PP2D1: variants seen among roughly 807,000 people sequenced by gnomAD.
The protein encoded by PP2D1 is protein phosphatase 2C-like domain-containing protein 1.
A neutral mutation model predicts 30.2 loss-of-function variants in PP2D1; 25 were observed. The observed-to-expected ratio is 0.83, with a 90% CI of 0.60 to 1.16. The LOEUF (loss-of-function observed/expected upper bound fraction) is 1.16. PP2D1 is among the 50% of genes most tolerant of loss of function. The probability of loss-of-function intolerance (pLI) is 0.00; values close to 1 mark genes in which losing one functional copy is unlikely to be tolerated. For synonymous variants in PP2D1, 260 were observed against 258.9 expected (o/e 1.00, Z -0.04); for missense variants, 760 against 742.4 (o/e 1.02, Z -0.28).
intron 1 of PP2D1, among the ~76,000 whole-genome samples, chr3:20,007,381 ACT>A (rs947848838): frequency 2.4e-4 from 37 of 152,102 alleles, no homozygotes; most frequent in African/African-American, 7.7e-4. Context: ...TGGAGGACTG[ACT>A]CTGTTGTGAA....
At chr3:19,997,837 G>A (rs1418622793) in intron 2 of PP2D1, among the ~76,000 whole-genome samples, 1 of 152,096 alleles carries the variant, frequency 6.6e-6, no homozygotes, top group Non-Finnish European at 1.5e-5. Flanking sequence ...AAAGCAGAAT[G>A]ATGGTTACCA....
downstream of PP2D1, chr3:19,983,977 C>T: frequency 1.7e-6 from 1 of 604,404 alleles, no homozygotes; most frequent in Admixed American, 3.3e-5. Context: ...GTGTTTTGAA[C>T]TTAATTTTTA....
rs1222987524 is a variant in PP2D1 at position 20,001,062 on chromosome 3, A to C, written c.1058T>G (p.Ile353Arg). Residue 353 changes from isoleucine to arginine, a missense_variant, in exon 2 of 3, where the codon ATA becomes AGA. By Grantham distance (97) the Ile-to-Arg change is moderately conservative. Transcript: ENST00000389050. Reference sequence around the variant, plus strand: ...TGCAACATGTAATATTCCAGAAATTATTTTTGGCATCTCCTGGGAAGGGGA... The same window carrying C: ...TGCAACATGTAATATTCCAGAAATTCTTTTTGGCATCTCCTGGGAAGGGGA... ...ESSPSQEMPK[I>R]ISGILHVANT... 1 of 1,395,802 alleles carries C rather than the reference A, an allele frequency of 7.2e-7. No homozygotes were observed. Among genetic ancestry groups the C allele is most frequent in the African/African-American group, 1.4e-5 (1 of 69,422 alleles). 86.5% of individuals were successfully genotyped at this position (1,395,802 alleles called of 1,614,324 possible).
chr3:20,001,300 C>T lies in PP2D1; in HGVS notation c.820G>A (p.Ala274Thr). ...DLFSAINKTE[A>T]VRCEYEDTHK... ...GTGTCCTCATACTCACACCTCACTG[C>T]TTCTGTTTTGTTTATGGCAGAAAAG... Residue 274 changes from alanine to threonine, a missense_variant, in exon 2 of 3, where the codon GCA (alanine) becomes ACA (threonine). Transcript: ENST00000389050. The T allele has an allele frequency of 6.5e-7, 1 of 1,535,786 alleles. No homozygotes were observed.
At position 20,001,954 on chromosome 3, in the gene PP2D1, G is replaced by A; in HGVS notation, c.166C>T (p.Gln56Ter). The A allele has an allele frequency of 1.3e-6, 2 of 1,536,244 alleles. No individual in the cohort carries two copies. Among genetic ancestry groups the A allele is most frequent in the African/African-American group, 1.4e-5 (1 of 73,140 alleles). Residue 56 changes from glutamine (Q) to a stop codon, truncating the protein, a stop_gained, in exon 2 of 3, where the codon CAG (glutamine) becomes TAG (stop). Coordinates refer to ENST00000389050, the MANE Select transcript of PP2D1 (RefSeq NM_001252657.2). LOFTEE classifies it high-confidence loss of function. ...AATGTGGTCCCTTGCTCATAGACCT[G>A]CTCCTCTTCATGGCGTTTGGTGTGT... is the stretch of plus-strand genomic sequence containing the variant. ...VRHTKRHEEE[Q>*]VYEQGTTLPC... is the part of the protein sequence containing the mutation.
chr3:19,982,591 T>C (rs1696950422), downstream of PP2D1, among the ~76,000 whole-genome samples: 1 of 152,118 alleles, frequency 6.6e-6, no homozygotes, highest in Non-Finnish European at 1.5e-5. Flanking sequence ...GGCTCATGCT[T>C]GCAGTCCCAG....
intron 1 of PP2D1, among the ~76,000 whole-genome samples, chr3:20,003,649 C>T (rs983610957): frequency 1.3e-5 from 2 of 151,736 alleles, no homozygotes; most frequent in Non-Finnish European, 2.9e-5. Flanking sequence ...GAGGCTGAGG[C>T]GGGAGAATTG....
At chr3:19,983,345 C>CAAAA (rs34872300), downstream of PP2D1, among the ~76,000 whole-genome samples, 22 of 92,050 alleles carry the variant, frequency 2.4e-4, no homozygotes, top group South Asian at 2.1e-3. Context: ...GACTACATCT[C>CAAAA]AAAAAAAAAA....
intron 2 of PP2D1, among the ~76,000 whole-genome samples, chr3:19,986,980 T>C (rs1697046869): frequency 6.7e-6 from 1 of 150,236 alleles, no homozygotes; most frequent in South Asian, 2.1e-4. Context: ...GAGGTTGTGG[T>C]GAGCTGAGAT....
At position 20,012,017 on chromosome 3, in the gene PP2D1, C is replaced by G. The variant is rs188842668; in HGVS notation, c.23+33G>C. On this transcript the variant is annotated intron_variant, in intron 1 of 2. Transcript: ENST00000389050. ...TAGATATAATTACTCATTGGCTATA[C>G]GTATTATCCAAAAAAGATTTAAGAA... 464 of 1,476,370 alleles carry G rather than the reference C, an allele frequency of 3.1e-4. 1 individual carries two copies. The highest frequency in any genetic ancestry group is 2.1e-5 in the Non-Finnish European group (23 of 1,095,742). The allele number at this position is 1,476,370 out of a possible 1,614,324, so 91.5% of individuals were successfully genotyped here.
rs1481638339 is a variant in PP2D1 at position 20,007,023 on chromosome 3, AC to A, written c.24-4928del. On this transcript the variant is annotated intron_variant, in intron 1 of 2. Transcript: ENST00000389050. ...CACACACGTATACACACACACACAC[AC>A]ACACACACGTATATATATTGTATTT... 2.5e-4 allele frequency among the ~76,000 whole-genome samples: 38 copies of A among 151,008 alleles called. 1 individual carries two copies. The South Asian group carries it at 7.2e-3, about 29-fold the overall frequency.
intron 2 of PP2D1, among the ~76,000 whole-genome samples, chr3:19,991,551 AG>A (rs1389184534): frequency 6.6e-6 from 1 of 152,224 alleles, no homozygotes; most frequent in Non-Finnish European, 1.5e-5. Flanking sequence ...CAACGTTGCC[AG>A]GGGTAATAAG....
chr3:19,999,891 G>T (rs1461605334), intron 2 of PP2D1, among the ~76,000 whole-genome samples: 3 of 152,160 alleles, frequency 2.0e-5, no homozygotes, highest in South Asian at 2.1e-4. Flanking sequence ...CCTGAGAAAC[G>T]ACAAAGACTG....
At chr3:19,982,711 A>T (rs1410374427), downstream of PP2D1, among the ~76,000 whole-genome samples, 2 of 151,716 alleles carry the variant, frequency 1.3e-5, no homozygotes, top group East Asian at 3.9e-4. Flanking sequence ...GCAGTAAGCC[A>T]TGATCATACC....
intron 2 of PP2D1, among the ~76,000 whole-genome samples, chr3:20,000,502 T>C (rs1324749879): frequency 6.6e-6 from 1 of 152,200 alleles, no homozygotes; most frequent in Non-Finnish European, 1.5e-5. Flanking sequence ...AGGTAACTTC[T>C]TAAAGAAGAG....
chr3:19,998,388 A>G (rs1697209864), intron 2 of PP2D1, among the ~76,000 whole-genome samples: 2 of 152,154 alleles, frequency 1.3e-5, no homozygotes, highest in Admixed American at 1.3e-4. Context: ...CTAGTGTTTG[A>G]TAGCACATTA....
chr3:19,989,295 G>A (rs907042541), intron 2 of PP2D1, among the ~76,000 whole-genome samples: 1 of 152,194 alleles, frequency 6.6e-6, no homozygotes, highest in African/African-American at 2.4e-5. Context: ...TCGCATCACT[G>A]CACTTCAGTC....
At chr3:19,993,787 T>A (rs1438590415) in intron 2 of PP2D1, among the ~76,000 whole-genome samples, 1 of 152,174 alleles carries the variant, frequency 6.6e-6, no homozygotes, top group Non-Finnish European at 1.5e-5. Context: ...TCGCCCAGGC[T>A]GGAGTGCAGT....
At chr3:19,989,392 A>G (rs1697086870) in intron 2 of PP2D1, among the ~76,000 whole-genome samples, 1 of 152,184 alleles carries the variant, frequency 6.6e-6, no homozygotes. Flanking sequence ...TCATTTATAT[A>G]ATAGGAATTT....
Sources: allele counts gnomAD v4.1 joint callset (sites outside exome capture counted in the v4.1 genomes callset), GRCh38; gene constraint gnomAD v4.1.1; transcripts MANE v1.5; gene names NCBI Gene and HGNC (gene_info 2026-07-23, HGNC 2026-07-21).